The following SGTB variants were observed in gnomAD, a reference collection of about 807,000 sequenced individuals.
The protein encoded by SGTB is small glutamine rich tetratricopeptide repeat co-chaperone beta.
In SGTB, 19 loss-of-function variants were observed where a neutral mutation model predicts 43.9. That is an observed-to-expected ratio of 0.43 (90% CI 0.30 to 0.63). SGTB has a LOEUF of 0.63. Among genes scored for constraint, SGTB ranks in the 30% least tolerant of loss-of-function variants. The pLI, the probability that SGTB is intolerant of heterozygous loss-of-function variation, is 0.12. For synonymous variants in SGTB, 116 were observed against 117.3 expected (o/e 0.99, Z 0.07); for missense variants, 304 against 358.9 (o/e 0.85, Z 1.24).
At chr5:65,670,595 T>C (rs1233849424) in intron 10 of SGTB, among the ~76,000 whole-genome samples, 12 of 152,206 alleles carry the variant, frequency 7.9e-5, no homozygotes, top group African/African-American at 2.9e-4. Context: ...GTACCTCAAC[T>C]GGGTGAAATC....
At chr5:65,702,260 T>A (rs1019550193) in intron 5 of SGTB, among the ~76,000 whole-genome samples, 1 of 151,186 alleles carries the variant, frequency 6.6e-6, no homozygotes, top group Non-Finnish European at 1.5e-5. Flanking sequence ...GAAGGTCCCC[T>A]GGCAAAGACC....
intron 8 of SGTB, among the ~76,000 whole-genome samples, chr5:65,679,532 G>A (rs1383168660): frequency 2.6e-5 from 4 of 152,022 alleles, no homozygotes; most frequent in Admixed American, 1.3e-4. Flanking sequence ...CAGGAGATTC[G>A]CTTGAACCCA....
Position 65,669,358 on chromosome 5 carries a change from CTTAG to C in SGTB, c.*884_*887del, listed in dbSNP as rs1387335196. The C allele has an allele frequency of 1.3e-5, 2 of 152,106 alleles. No individual in the cohort carries two copies. Among genetic ancestry groups the C allele is most frequent in the South Asian group, 2.1e-4 (1 of 4,832 alleles). The allele number at this position is 152,106 out of a possible 1,614,324, so 9.4% of individuals were successfully genotyped here. On this transcript the variant is annotated 3_prime_UTR_variant, in exon 11 of 11. Transcript: ENST00000381007. Reference sequence around the variant, plus strand: ...CCTTAACTTAGGACCAGGTCACTGGCTTAGTTAAAGTATATTTATATTTGATAGT... The same window carrying C: ...CCTTAACTTAGGACCAGGTCACTGGCTTAAAGTATATTTATATTTGATAGT...
At chr5:65,721,653 G>A (rs1359620074) in intron 1 of SGTB, among the ~76,000 whole-genome samples, 2 of 152,234 alleles carry the variant, frequency 1.3e-5, no homozygotes, top group African/African-American at 4.8e-5. Context: ...TAAAGGCGAT[G>A]TCAGCCTCTA....
chr5:65,670,084 G>C lies in SGTB; in HGVS notation c.*162C>G. ...TTGTGATAAACCTATTGTCTAAACAGATTTATTCTTTAAGAATATACACAA... is the reference window on the plus strand; with the variant it reads ...TTGTGATAAACCTATTGTCTAAACACATTTATTCTTTAAGAATATACACAA... On this transcript the variant is annotated 3_prime_UTR_variant, in exon 11 of 11. Transcript: ENST00000381007. 1.7e-6 allele frequency: 1 copy of C among 582,598 alleles called. No homozygotes were observed. The highest frequency in any genetic ancestry group is 3.0e-6 in the Non-Finnish European group (1 of 336,280). The allele number at this position is 582,598 out of a possible 1,614,324, so 36.1% of individuals were successfully genotyped here.
intron 2 of SGTB, 109 bp downstream of exon 2, chr5:65,720,599 T>C (rs1758248582): frequency 3.0e-6 from 4 of 1,330,342 alleles, no homozygotes; most frequent in Admixed American, 5.7e-5. Context: ...TCTTGAAAGA[T>C]CAAAAAAAAT....
At chr5:65,704,409 G>A (rs1757890912) in intron 4 of SGTB, 31 bp from the exon 5 acceptor site, 1 of 1,479,238 alleles carries the variant, frequency 6.8e-7, no homozygotes, top group Non-Finnish European at 9.3e-7. Context: ...TGTACAGTAA[G>A]TATAATATAC....
intron 6 of SGTB, among the ~76,000 whole-genome samples, chr5:65,682,507 T>C: frequency 6.6e-6 from 1 of 152,154 alleles, no homozygotes; most frequent in East Asian, 1.9e-4. Flanking sequence ...ACTGGGGCTA[T>C]ATGTAAGATA....
rs543822844 is a variant in SGTB at position 65,679,641 on chromosome 5, C to CAA, written c.681+851_681+852dup. ...TCAAAAAACAAACAAACAACAACAACAACAAAAAAAACAAAAACCAACAGA... is the reference window on the plus strand; with the variant it reads ...TCAAAAAACAAACAAACAACAACAACAAAACAAAAAAAACAAAAACCAACAGA... On this transcript the variant is annotated intron_variant, in intron 8 of 10. Transcript: ENST00000381007. Among the ~76,000 whole-genome samples, 491 of 151,778 alleles carry CAA rather than the reference C, an allele frequency of 3.2e-3. 2 individuals are homozygous for CAA. Among genetic ancestry groups the CAA allele is most frequent in the African/African-American group, 0.011 (449 of 41,320 alleles).
At chr5:65,706,728 A>G (rs1328629800) in intron 4 of SGTB, among the ~76,000 whole-genome samples, 1 of 152,034 alleles carries the variant, frequency 6.6e-6, no homozygotes, top group Non-Finnish European at 1.5e-5. Context: ...GCTACTCGGG[A>G]GGCTGAGGCA....
chr5:65,722,418 C>T, upstream of SGTB: 1 of 1,587,710 alleles, frequency 6.3e-7, no homozygotes, highest in Non-Finnish European at 8.6e-7. Flanking sequence ...TCCGCAGGTA[C>T]CTCCAGCGCG....
At chr5:65,679,434 TG>T (rs888591185) in intron 8 of SGTB, among the ~76,000 whole-genome samples, 1 of 152,122 alleles carries the variant, frequency 6.6e-6, no homozygotes, top group Admixed American at 6.5e-5. Context: ...CTGGTCAGCA[TG>T]GTGAAACCCC....
chr5:65,679,908 C>G (rs1757360721), intron 8 of SGTB, among the ~76,000 whole-genome samples: 1 of 152,164 alleles, frequency 6.6e-6, no homozygotes, highest in Non-Finnish European at 1.5e-5. Context: ...GACATGGAAT[C>G]AATGCAAATG....
chr5:65,677,371 A>T (rs1408142756), intron 8 of SGTB, among the ~76,000 whole-genome samples: 1 of 150,574 alleles, frequency 6.6e-6, no homozygotes, highest in Non-Finnish European at 1.5e-5. Context: ...AAAAAAGCCC[A>T]GGACCAGACG....
rs1050853710 is a variant in SGTB at position 65,666,944 on chromosome 5, T to G, written c.*3302A>C. ...CAAATAAAATGAGTTGGGAAGTATT[T>G]CCTCCTCTTCTGTTTCCTGGAAGAG... On this transcript the variant is annotated 3_prime_UTR_variant, in exon 11 of 11. Transcript: ENST00000381007. 6 of 152,202 alleles carry G rather than the reference T, an allele frequency of 3.9e-5. No homozygotes were observed. Among genetic ancestry groups the G allele is most frequent in the Admixed American group, 2.0e-4 (3 of 15,284 alleles). 9.4% of individuals were successfully genotyped at this position (152,202 alleles called of 1,614,324 possible).
intron 5 of SGTB, among the ~76,000 whole-genome samples, chr5:65,694,431 GAAATT>G (rs1295854573): frequency 1.3e-5 from 2 of 151,994 alleles, no homozygotes; most frequent in Admixed American, 1.3e-4. Flanking sequence ...AAAAAGAAAA[GAAATT>G]AAGAAAGTCG....
intron 5 of SGTB, among the ~76,000 whole-genome samples, chr5:65,689,594 GTTC>G (rs1461793835): frequency 6.6e-6 from 1 of 152,128 alleles, no homozygotes; most frequent in African/African-American, 2.4e-5. Flanking sequence ...CACTCCATTT[GTTC>G]TTCTCTAAAT....
chr5:65,691,109 A>C (rs1447578482), intron 5 of SGTB, among the ~76,000 whole-genome samples: 1 of 152,220 alleles, frequency 6.6e-6, no homozygotes, highest in African/African-American at 2.4e-5. Context: ...GAGAAGGAAG[A>C]TACAAATATA....
chr5:65,674,206 A>G (rs1260353520), intron 8 of SGTB, among the ~76,000 whole-genome samples: 3 of 318 alleles, frequency 9.4e-3, no homozygotes, highest in Non-Finnish European at 0.021. Context: ...TCCTTTCCCT[A>G]GGCCCTGGAG....
Sources: gnomAD v4.1 joint callset for allele counts (sites outside exome capture counted in the v4.1 genomes callset) on GRCh38, gnomAD v4.1.1 for gene constraint, MANE v1.5 for transcripts, NCBI Gene and HGNC (gene_info 2026-07-23, HGNC 2026-07-21) for gene names.